The following RAB1A variants were observed in gnomAD, a reference collection of about 807,000 sequenced individuals.
The protein encoded by RAB1A is RAB1A, member RAS oncogene family, also known as ras-related protein Rab-1A.
Under a neutral mutation model 26.0 loss-of-function variants are expected in RAB1A, and 2 were observed. That is an observed-to-expected ratio of 0.08 (90% CI 0.03 to 0.24). RAB1A has a LOEUF of 0.24. Ranked by LOEUF, RAB1A falls within the 10% of genes least tolerant of loss-of-function variation. The probability of loss-of-function intolerance (pLI) is 1.00; values close to 1 mark genes in which losing one functional copy is unlikely to be tolerated. For missense variants in RAB1A, 100 were observed against 247.0 expected (o/e 0.40, Z 3.99); for synonymous variants, 84 against 84.9 (o/e 0.99, Z 0.06).
chr2:65,099,013 G>A (rs762618612), intron 2 of RAB1A, among the ~76,000 whole-genome samples: 2 of 151,578 alleles, frequency 1.3e-5, no homozygotes, highest in African/African-American at 2.4e-5. Flanking sequence ...ATTTTTGTAC[G>A]TTTAGTAGAG....
chr2:65,103,780 A>C (rs1012238563), intron 2 of RAB1A, among the ~76,000 whole-genome samples: 4 of 150,478 alleles, frequency 2.7e-5, no homozygotes, highest in Admixed American at 6.6e-5. Flanking sequence ...TTGTTTTTTT[A>C]TTTTTTTTCT....
chr2:65,129,004 T>C (rs2103894957), intron 1 of RAB1A, among the ~76,000 whole-genome samples: 1 of 152,228 alleles, frequency 6.6e-6, no homozygotes, highest in Admixed American at 6.5e-5. Flanking sequence ...TCATGGAACC[T>C]CATTCCCTAT....
intron 1 of RAB1A, among the ~76,000 whole-genome samples, chr2:65,122,576 C>G (rs1669993016): frequency 6.6e-6 from 1 of 152,024 alleles, no homozygotes; most frequent in Non-Finnish European, 1.5e-5. Flanking sequence ...AAAACAGACA[C>G]TCAAAGTTGA....
chr2:65,128,867 A>T (rs1053499482), intron 1 of RAB1A, among the ~76,000 whole-genome samples: 1 of 152,184 alleles, frequency 6.6e-6, no homozygotes, highest in Non-Finnish European at 1.5e-5. Flanking sequence ...CATTGAGGAG[A>T]GCCCAACAAA....
intron 1 of RAB1A, among the ~76,000 whole-genome samples, chr2:65,106,636 AGTC>A (rs1669567604): frequency 1.3e-5 from 2 of 149,674 alleles, no homozygotes; most frequent in South Asian, 2.1e-4. Context: ...GCAAAATAGA[AGTC>A]AGAGAAGGAA....
intron 1 of RAB1A, among the ~76,000 whole-genome samples, chr2:65,115,875 G>A (rs1442842321): frequency 6.6e-6 from 1 of 152,140 alleles, no homozygotes; most frequent in Non-Finnish European, 1.5e-5. Flanking sequence ...TTCAAAGCTG[G>A]CCAGGTGCAG....
intron 1 of RAB1A, among the ~76,000 whole-genome samples, chr2:65,127,993 CA>C (rs1670142191): frequency 6.6e-6 from 1 of 152,104 alleles, no homozygotes; most frequent in Non-Finnish European, 1.5e-5. Flanking sequence ...CTCGGCCTCC[CA>C]AAGTGCTGGG....
intron 1 of RAB1A, among the ~76,000 whole-genome samples, chr2:65,109,456 C>T (rs1369488858): frequency 6.6e-6 from 1 of 152,034 alleles, no homozygotes; most frequent in Non-Finnish European, 1.5e-5. Context: ...GTAATCCCAG[C>T]ACTTTGGGAG....
rs146134063 is a variant in RAB1A at position 65,116,008 on chromosome 2, T to C, written c.24-11202A>G. Among the ~76,000 whole-genome samples, 471 of 152,064 alleles carry C rather than the reference T, an allele frequency of 3.1e-3. 2 individuals are homozygous for C. Among genetic ancestry groups the C allele is most frequent in the African/African-American group, 0.011 (449 of 41,486 alleles). ...CTATCTCTACTAAAAATACAAAAAT[T>C]AGTTGGGCGTGGTGGTGGGCACCTC... On this transcript the variant is annotated intron_variant, in intron 1 of 5. Coordinates refer to ENST00000409784, the MANE Select transcript of RAB1A (RefSeq NM_004161.5).
intron 1 of RAB1A, among the ~76,000 whole-genome samples, chr2:65,114,538 T>A (rs1237401046): frequency 6.6e-6 from 1 of 152,094 alleles, no homozygotes. Flanking sequence ...AGATACTTAA[T>A]CCCCAATACA....
At chr2:65,095,327 C>T (rs1014391364) in intron 3 of RAB1A, among the ~76,000 whole-genome samples, 10 of 151,332 alleles carry the variant, frequency 6.6e-5, no homozygotes, top group South Asian at 2.1e-4. Flanking sequence ...TGAACCACGA[C>T]GCCCGGACAG....
At chr2:65,122,300 C>A (rs1233150163) in intron 1 of RAB1A, among the ~76,000 whole-genome samples, 1 of 151,156 alleles carries the variant, frequency 6.6e-6, no homozygotes, top group Non-Finnish European at 1.5e-5. Context: ...ATAATCCCAG[C>A]ACTTTGGGAA....
chr2:65,105,734 T>C (rs1460720522), intron 1 of RAB1A, among the ~76,000 whole-genome samples: 1 of 151,922 alleles, frequency 6.6e-6, no homozygotes, highest in African/African-American at 2.4e-5. Context: ...TCTACACTTG[T>C]ATTAAAGCAT....
At chr2:65,121,077 G>T (rs145494191) in intron 1 of RAB1A, among the ~76,000 whole-genome samples, 1 of 151,628 alleles carries the variant, frequency 6.6e-6, no homozygotes, top group Non-Finnish European at 1.5e-5. Context: ...GCAACATAGC[G>T]ACATCTCATC....
At chr2:65,104,525 T>G (rs2302631) in intron 2 of RAB1A, among the ~76,000 whole-genome samples, 99,006 of 152,036 alleles carry the variant, frequency 0.65, 32,506 homozygotes, top group Non-Finnish European at 0.69. Context: ...TTTATAACCA[T>G]ACTTCACTGA....
At chr2:65,089,219 A>ATT in intron 4 of RAB1A, 149 bp from the exon 5 acceptor site, 16 of 636,870 alleles carry the variant, frequency 2.5e-5, no homozygotes, top group Admixed American at 3.5e-5. Flanking sequence ...GAGTGAAGAG[A>ATT]TTTTTTTTTT....
intron 2 of RAB1A, 79 bp downstream of exon 2, chr2:65,104,655 G>T: frequency 9.2e-7 from 1 of 1,086,228 alleles, no homozygotes; most frequent in Non-Finnish European, 1.3e-6. Context: ...GAATAAAACT[G>T]TTTAATTTTA....
chr2:65,123,327 C>T (rs192735035), intron 1 of RAB1A, among the ~76,000 whole-genome samples: 1 of 151,586 alleles, frequency 6.6e-6, no homozygotes, highest in Non-Finnish European at 1.5e-5. Context: ...CCTGCCACCA[C>T]GCCCAGCTAA....
At chr2:65,107,029 A>T (rs1209047970) in intron 1 of RAB1A, among the ~76,000 whole-genome samples, 1 of 152,114 alleles carries the variant, frequency 6.6e-6, no homozygotes, top group Non-Finnish European at 1.5e-5. Flanking sequence ...CTGGGACTAC[A>T]GGTGTGAGCC....
Sources: gnomAD v4.1 joint callset for allele counts (sites outside exome capture counted in the v4.1 genomes callset) on GRCh38, gnomAD v4.1.1 for gene constraint, MANE v1.5 for transcripts, NCBI Gene and HGNC (gene_info 2026-07-23, HGNC 2026-07-21) for gene names.